FAM76A: variants seen among roughly 807,000 people sequenced by gnomAD.
FAM76A encodes the protein family with sequence similarity 76 member A, also known as protein FAM76A.
FAM76A carries 32 observed loss-of-function variants against 46.2 expected under a neutral mutation model. The ratio of observed to expected loss-of-function variants is 0.69; its 90% confidence interval spans 0.52 to 0.93. The LOEUF (loss-of-function observed/expected upper bound fraction) is 0.93, where lower values mean the gene tolerates loss of function less well. Among genes scored for constraint, FAM76A ranks in the 40% least tolerant of loss-of-function variants. FAM76A has a pLI of 0.00. For missense variants in FAM76A, 274 were observed against 361.5 expected (o/e 0.76, Z 1.96); for synonymous variants, 137 against 127.0 (o/e 1.08, Z -0.53).
intron 5 of FAM76A, among the ~76,000 whole-genome samples, chr1:27,748,534 T>G (rs1318601057): frequency 9.7e-5 from 10 of 103,510 alleles, no homozygotes; most frequent in African/African-American, 3.6e-4. Context: ...TTGCTGGGAG[T>G]GCAGTGGATT....
chr1:27,757,869 C>T (rs897583918), intron 7 of FAM76A, among the ~76,000 whole-genome samples: 5 of 151,692 alleles, frequency 3.3e-5, no homozygotes, highest in South Asian at 2.1e-4. Flanking sequence ...CCCAGCTACT[C>T]GGGAGGCTGA....
chr1:27,744,301 G>A (rs1228373243), intron 4 of FAM76A, among the ~76,000 whole-genome samples: 1 of 152,000 alleles, frequency 6.6e-6, no homozygotes, highest in Non-Finnish European at 1.5e-5. Context: ...GCTAATTTTT[G>A]TATTTTTAGT....
chr1:27,738,646 A>G (rs2088098240), intron 4 of FAM76A, among the ~76,000 whole-genome samples: 1 of 152,232 alleles, frequency 6.6e-6, no homozygotes, highest in Non-Finnish European at 1.5e-5. Context: ...GGTATTAGAA[A>G]TAAACTAATG....
At chr1:27,749,236 T>G (rs1347768485) in intron 6 of FAM76A, 82 bp downstream of exon 6, 1 of 876,530 alleles carries the variant, frequency 1.1e-6, no homozygotes, top group African/African-American at 1.7e-5. Flanking sequence ...AGGGTCTGCC[T>G]TGGAATTAGT....
intron 7 of FAM76A, among the ~76,000 whole-genome samples, chr1:27,758,428 A>G (rs185538106): frequency 1.3e-5 from 2 of 152,338 alleles, no homozygotes; most frequent in African/African-American, 2.4e-5. Context: ...AATGGCACAT[A>G]AAAGGATTTT....
intron 4 of FAM76A, chr1:27,739,054 A>G (rs1475882331): frequency 4.3e-6 from 1 of 234,254 alleles, no homozygotes; most frequent in Non-Finnish European, 8.4e-6. Flanking sequence ...TTAAGTCAAC[A>G]TAGGCCATGA....
chr1:27,761,013 A>C lies in FAM76A; in HGVS notation c.*432A>C, dbSNP rs2148590550. On this transcript the variant is annotated 3_prime_UTR_variant, in exon 9 of 9. Transcript: ENST00000373954. ...CCCATGAGCAAACAGTTTGGCATTA[A>C]TTATATATCACTGCCACCCTCTGAA... 6.8e-6 allele frequency: 1 copy of C among 146,152 alleles called. No homozygotes were observed. The highest frequency in any genetic ancestry group is 2.0e-4 in the East Asian group (1 of 5,046). The allele number at this position is 146,152 out of a possible 1,614,324, so 9.1% of individuals were successfully genotyped here.
At chr1:27,737,455 C>A (rs115303496) in intron 4 of FAM76A, among the ~76,000 whole-genome samples, 5,708 of 152,202 alleles carry the variant, frequency 0.038, 361 homozygotes, top group African/African-American at 0.13. Flanking sequence ...TAGCTCATGC[C>A]TGTATTCCCA....
intron 4 of FAM76A, chr1:27,740,511 G>A: frequency 7.1e-7 from 1 of 1,405,378 alleles, no homozygotes. Flanking sequence ...GCAGAGGCAG[G>A]AGCTAACATG....
intron 7 of FAM76A, among the ~76,000 whole-genome samples, chr1:27,757,818 T>C (rs562017187): frequency 4.6e-5 from 7 of 152,066 alleles, no homozygotes; most frequent in African/African-American, 1.7e-4. Context: ...CTACTAAAAA[T>C]ACAAAAAAAT....
At chr1:27,744,490 A>G (rs1263920715) in intron 4 of FAM76A, among the ~76,000 whole-genome samples, 164 bp from the exon 5 acceptor site, 2 of 152,144 alleles carry the variant, frequency 1.3e-5, no homozygotes. Flanking sequence ...CTTTACCTAC[A>G]TTATGTCACT....
intron 4 of FAM76A, chr1:27,740,157 A>G: frequency 1.9e-6 from 1 of 520,434 alleles, no homozygotes; most frequent in Non-Finnish European, 3.7e-6. Flanking sequence ...CATACATGTG[A>G]TGGTGTCCAA....
At chr1:27,734,208 CT>C (rs1405756544) in intron 4 of FAM76A, 25 bp downstream of exon 4, 19 of 1,561,320 alleles carry the variant, frequency 1.2e-5, no homozygotes, top group Non-Finnish European at 1.5e-5. Context: ...TTCTTGATTT[CT>C]TTTTTTCCTT....
At chr1:27,752,752 G>A (rs918833604) in intron 6 of FAM76A, among the ~76,000 whole-genome samples, 2 of 152,196 alleles carry the variant, frequency 1.3e-5, no homozygotes, top group African/African-American at 4.8e-5. Context: ...AATTTTTCTG[G>A]AGAAGTAGTA....
At chr1:27,741,977 T>C (rs1029476924) in intron 4 of FAM76A, among the ~76,000 whole-genome samples, 1 of 151,976 alleles carries the variant, frequency 6.6e-6, no homozygotes, top group African/African-American at 2.4e-5. Flanking sequence ...GGGTGATCAT[T>C]TGGGCAGCTC....
intron 4 of FAM76A, among the ~76,000 whole-genome samples, chr1:27,735,733 T>G (rs1170565658): frequency 6.6e-6 from 1 of 152,220 alleles, no homozygotes; most frequent in Non-Finnish European, 1.5e-5. Flanking sequence ...ACCCGCATTA[T>G]GCATCACTTT....
chr1:27,754,429 C>T (rs1432230248), intron 6 of FAM76A, among the ~76,000 whole-genome samples: 1 of 152,136 alleles, frequency 6.6e-6, no homozygotes, highest in African/African-American at 2.4e-5. Context: ...TCTTAAGAGG[C>T]TCTGCTAAAA....
intron 2 of FAM76A, among the ~76,000 whole-genome samples, chr1:27,732,014 G>T (rs182503295): frequency 6.6e-6 from 1 of 152,142 alleles, no homozygotes; most frequent in Admixed American, 6.5e-5. Flanking sequence ...TAGAGATGGA[G>T]TTTCACCATG....
At chr1:27,741,895 A>G (rs1330397690) in intron 4 of FAM76A, among the ~76,000 whole-genome samples, 1 of 146,080 alleles carries the variant, frequency 6.8e-6, no homozygotes, top group Non-Finnish European at 1.5e-5. Context: ...AAAAAAAAAA[A>G]AGAGAGAGGA....
Sources: allele counts gnomAD v4.1 joint callset (sites outside exome capture counted in the v4.1 genomes callset), GRCh38; gene constraint gnomAD v4.1.1; transcripts MANE v1.5; gene names NCBI Gene and HGNC (gene_info 2026-07-23, HGNC 2026-07-21).